Variants in PRKCE observed in about 807,000 individuals in gnomAD.
PRKCE encodes protein kinase C epsilon type.
A neutral mutation model predicts 85.4 loss-of-function variants in PRKCE; 16 were observed. The observed-to-expected ratio is 0.19, with a 90% CI of 0.13 to 0.28. The LOEUF (loss-of-function observed/expected upper bound fraction) is 0.28. PRKCE is among the 10% of genes least tolerant of loss of function. The pLI, the probability that PRKCE is intolerant of heterozygous loss-of-function variation, is 1.00. For missense variants in PRKCE, 573 were observed against 975.2 expected (o/e 0.59, Z 5.49); for synonymous variants, 388 against 371.5 (o/e 1.04, Z -0.51).
intron 10 of PRKCE, among the ~76,000 whole-genome samples, chr2:46,015,702 A>C (rs1341023040): frequency 1.3e-5 from 2 of 151,740 alleles, no homozygotes; most frequent in Non-Finnish European, 2.9e-5. Context: ...AAAAAAAAAA[A>C]AAAAAAAAAA....
At chr2:46,183,440 A>T (rs1321663366) in intron 14 of PRKCE, among the ~76,000 whole-genome samples, 1 of 152,326 alleles carries the variant, frequency 6.6e-6, no homozygotes, top group Non-Finnish European at 1.5e-5. Flanking sequence ...TTTCCACAAG[A>T]TTTATTCCAT....
rs370564737 is a variant in PRKCE at position 46,025,404 on chromosome 2, G to A, written c.1437+14887G>A. 1.1e-4 allele frequency among the ~76,000 whole-genome samples: 16 copies of A among 152,242 alleles called. No individual in the cohort carries two copies. In the South Asian group the frequency reaches 3.3e-3, roughly 32 times the overall value. The stretch of plus-strand genomic sequence containing the variant: ...CGGTATGTCTTCAACTTAATATCAG[G>A]TATTCCAGGGATAGAAAAAGACACA... On this transcript the variant is annotated intron_variant, in intron 10 of 14. Coordinates refer to ENST00000306156, the MANE Select transcript of PRKCE (RefSeq NM_005400.3).
At chr2:45,768,976 T>G (rs1330796629) in intron 1 of PRKCE, among the ~76,000 whole-genome samples, 1 of 152,224 alleles carries the variant, frequency 6.6e-6, no homozygotes, top group Non-Finnish European at 1.5e-5. Context: ...GCTACTGACA[T>G]GTTCACCTCC....
chr2:45,753,699 A>C (rs911315708), intron 1 of PRKCE, among the ~76,000 whole-genome samples: 1 of 152,176 alleles, frequency 6.6e-6, no homozygotes, highest in African/African-American at 2.4e-5. Flanking sequence ...CACACCTATA[A>C]AAATAGAGAG....
chr2:46,019,179 T>C (rs1414991592), intron 10 of PRKCE, among the ~76,000 whole-genome samples: 1 of 152,278 alleles, frequency 6.6e-6, no homozygotes, highest in Non-Finnish European at 1.5e-5. Context: ...ATAACATTAA[T>C]GAGAAAAATA....
intron 2 of PRKCE, among the ~76,000 whole-genome samples, chr2:45,964,987 G>A (rs1036775394): frequency 3.7e-4 from 56 of 152,282 alleles, no homozygotes; most frequent in African/African-American, 1.2e-3. Context: ...GAGAAACAAC[G>A]GTTCATGTTA....
At chr2:45,935,429 A>C (rs1290083877) in intron 2 of PRKCE, among the ~76,000 whole-genome samples, 2 of 152,188 alleles carry the variant, frequency 1.3e-5, no homozygotes, top group Non-Finnish European at 2.9e-5. Context: ...AATACTTTAA[A>C]ATTTGCATAC....
At chr2:45,861,627 C>T (rs1693168386) in intron 2 of PRKCE, among the ~76,000 whole-genome samples, 1 of 152,176 alleles carries the variant, frequency 6.6e-6, no homozygotes, top group Non-Finnish European at 1.5e-5. Flanking sequence ...TCCCTTCTCT[C>T]TTGCACATTG....
chr2:46,038,823 A>C (rs915207469), intron 10 of PRKCE, among the ~76,000 whole-genome samples: 2 of 152,182 alleles, frequency 1.3e-5, no homozygotes, highest in Non-Finnish European at 2.9e-5. Context: ...GAGGAATGAC[A>C]GAAGATTTAG....
chr2:45,916,706 A>G (rs1697809858), intron 2 of PRKCE, among the ~76,000 whole-genome samples: 1 of 152,214 alleles, frequency 6.6e-6, no homozygotes, highest in African/African-American at 2.4e-5. Context: ...TCTAAACACA[A>G]TAAAGCCCGA....
chr2:45,815,175 A>G (rs1688941632), intron 1 of PRKCE, among the ~76,000 whole-genome samples: 1 of 152,256 alleles, frequency 6.6e-6, no homozygotes, highest in African/African-American at 2.4e-5. Flanking sequence ...AGGATTATGC[A>G]GGAAATTTGA....
At chr2:45,680,577 G>T (rs930883701) in intron 1 of PRKCE, among the ~76,000 whole-genome samples, 2 of 152,188 alleles carry the variant, frequency 1.3e-5, no homozygotes, top group African/African-American at 4.8e-5. Flanking sequence ...ATAAAAACAG[G>T]CTTGATAAAG....
chr2:45,757,196 G>A (rs1052853299), intron 1 of PRKCE, among the ~76,000 whole-genome samples: 8 of 150,634 alleles, frequency 5.3e-5, no homozygotes, highest in Admixed American at 2.0e-4. Context: ...TAATCCCAGC[G>A]ACTTGGGAGG....
At chr2:46,012,830 T>C (rs1190417774) in intron 10 of PRKCE, among the ~76,000 whole-genome samples, 1 of 152,196 alleles carries the variant, frequency 6.6e-6, no homozygotes, top group Non-Finnish European at 1.5e-5. Flanking sequence ...ATGGCAGCTT[T>C]TGGAGCACAA....
At chr2:45,825,936 T>TG (rs1689908854) in intron 1 of PRKCE, among the ~76,000 whole-genome samples, 1 of 151,146 alleles carries the variant, frequency 6.6e-6, no homozygotes, top group Admixed American at 6.6e-5. Flanking sequence ...GACGGGGGGA[T>TG]GGGGGGATGA....
intron 2 of PRKCE, among the ~76,000 whole-genome samples, chr2:45,935,067 T>TCTCTCA (rs34264556): frequency 0.041 from 5,987 of 146,294 alleles, 160 homozygotes; most frequent in Middle Eastern, 0.072. Flanking sequence ...ACTCTCTCTC[T>TCTCTCA]CACACACACA....
At chr2:46,049,564 T>G (rs562918609) in intron 10 of PRKCE, among the ~76,000 whole-genome samples, 1 of 152,284 alleles carries the variant, frequency 6.6e-6, no homozygotes, top group South Asian at 2.1e-4. Context: ...CTAAGCAGAC[T>G]CTGGTCAAGG....
intron 1 of PRKCE, among the ~76,000 whole-genome samples, chr2:45,839,083 G>C (rs1290169335): frequency 6.6e-6 from 1 of 151,854 alleles, no homozygotes; most frequent in Non-Finnish European, 1.5e-5. Context: ...CGCTAAGTTT[G>C]CTCTTACCCA....
intron 10 of PRKCE, among the ~76,000 whole-genome samples, chr2:46,018,418 C>T (rs368226288): frequency 2.0e-5 from 3 of 151,948 alleles, no homozygotes; most frequent in Non-Finnish European, 4.4e-5. Context: ...TACAGTGAGC[C>T]GAGATCCCGC....
Sources: gnomAD v4.1 joint callset for allele counts (sites outside exome capture counted in the v4.1 genomes callset) on GRCh38, gnomAD v4.1.1 for gene constraint, MANE v1.5 for transcripts, NCBI Gene and HGNC (gene_info 2026-07-23, HGNC 2026-07-21) for gene names.